The following PRKG2 variants were observed in gnomAD, a reference collection of about 807,000 sequenced individuals.
The protein encoded by PRKG2 is protein kinase cGMP-dependent 2.
A neutral mutation model predicts 97.2 loss-of-function variants in PRKG2; 33 were observed. The ratio of observed to expected loss-of-function variants is 0.34; its 90% confidence interval spans 0.26 to 0.45. The LOEUF is 0.45. PRKG2 is among the 20% of genes least tolerant of loss of function. PRKG2 has a pLI of 1.00. For missense variants in PRKG2, 638 were observed against 900.0 expected (o/e 0.71, Z 3.73); for synonymous variants, 330 against 321.8 (o/e 1.03, Z -0.27).
intron 2 of PRKG2, among the ~76,000 whole-genome samples, chr4:81,199,492 T>C (rs1753164880): frequency 6.6e-6 from 1 of 152,184 alleles, no homozygotes; most frequent in African/African-American, 2.4e-5. Context: ...GAATTCTGTT[T>C]CCTATATTAC....
At chr4:81,132,504 T>C (rs958819827) in intron 14 of PRKG2, among the ~76,000 whole-genome samples, 1 of 152,170 alleles carries the variant, frequency 6.6e-6, no homozygotes, top group African/African-American at 2.4e-5. Flanking sequence ...TGAGGTACAA[T>C]TTTAACTAGA....
chr4:81,166,311 GT>G (rs1749980728), intron 6 of PRKG2, among the ~76,000 whole-genome samples: 3 of 151,562 alleles, frequency 2.0e-5, no homozygotes, highest in Admixed American at 1.3e-4. Context: ...GGTTTTGGGG[GT>G]TTTTTTTCCT....
At chr4:81,147,073 A>G (rs1255157241) in intron 9 of PRKG2, among the ~76,000 whole-genome samples, 1 of 152,190 alleles carries the variant, frequency 6.6e-6, no homozygotes, top group African/African-American at 2.4e-5. Context: ...AATACTTTGT[A>G]TATTGCAGAC....
At chr4:81,148,316 G>A (rs1173199306) in intron 9 of PRKG2, among the ~76,000 whole-genome samples, 1 of 151,984 alleles carries the variant, frequency 6.6e-6, no homozygotes, top group Non-Finnish European at 1.5e-5. Flanking sequence ...AGAAACCCAG[G>A]GGGGCAGATT....
intron 17 of PRKG2, among the ~76,000 whole-genome samples, chr4:81,095,959 T>G (rs922762010): frequency 6.6e-6 from 1 of 152,126 alleles, no homozygotes; most frequent in African/African-American, 2.4e-5. Context: ...TGTCTAAAAA[T>G]GTACATAATT....
At chr4:81,104,512 CTT>C (rs1446923014) in intron 16 of PRKG2, 80 bp from the exon 17 acceptor site, 7 of 654,496 alleles carry the variant, frequency 1.1e-5, no homozygotes, top group African/African-American at 3.9e-5. Flanking sequence ...TAAATTAAAA[CTT>C]AACATCTATT....
At chr4:81,106,687 G>A (rs570957165) in intron 15 of PRKG2, among the ~76,000 whole-genome samples, 91 of 152,332 alleles carry the variant, frequency 6.0e-4, no homozygotes, top group African/African-American at 2.0e-3. Flanking sequence ...TAGGCTGAAT[G>A]TCTGTGTTCC....
intron 15 of PRKG2, among the ~76,000 whole-genome samples, chr4:81,109,723 A>G (rs1743711846): frequency 6.6e-6 from 1 of 152,216 alleles, no homozygotes; most frequent in South Asian, 2.1e-4. Flanking sequence ...CATAATACAC[A>G]TGTAAGTGCT....
intron 1 of PRKG2, among the ~76,000 whole-genome samples, chr4:81,206,365 G>C (rs919900675): frequency 2.0e-5 from 3 of 152,148 alleles, no homozygotes; most frequent in African/African-American, 7.2e-5. Flanking sequence ...CATGGGGGCG[G>C]ATCTTTCCCA....
chr4:81,154,148 A>C (rs2110062084), intron 6 of PRKG2: 1 of 161,608 alleles, frequency 6.2e-6, no homozygotes, highest in East Asian at 1.9e-4. Context: ...GATTGCTAGC[A>C]CAGCAGTCTG....
intron 8 of PRKG2, among the ~76,000 whole-genome samples, chr4:81,150,167 G>A (rs1338586303): frequency 6.6e-6 from 1 of 152,156 alleles, no homozygotes; most frequent in Non-Finnish European, 1.5e-5. Context: ...ACACAGACAT[G>A]ATCTTGATTG....
intron 18 of PRKG2, 86 bp from the exon 19 acceptor site, chr4:81,089,889 C>T (rs1409387921): frequency 2.7e-5 from 30 of 1,105,048 alleles, no homozygotes; most frequent in Non-Finnish European, 3.7e-5. Flanking sequence ...TATTTCAGAA[C>T]ACTGATTTCA....
chr4:81,149,672 C>T (rs1748194403), intron 8 of PRKG2, among the ~76,000 whole-genome samples: 1 of 152,040 alleles, frequency 6.6e-6, no homozygotes, highest in African/African-American at 2.4e-5. Flanking sequence ...CAGACCTTTA[C>T]TTATATTAGC....
intron 2 of PRKG2, among the ~76,000 whole-genome samples, chr4:81,190,263 A>T (rs1752368749): frequency 6.6e-6 from 1 of 152,208 alleles, no homozygotes; most frequent in South Asian, 2.1e-4. Context: ...GAGGCCTCAG[A>T]AATAGTGCCA....
At chr4:81,095,684 AAAATATTCACCAGAG>A (rs1158696003) in intron 17 of PRKG2, among the ~76,000 whole-genome samples, 27 of 152,332 alleles carry the variant, frequency 1.8e-4, no homozygotes, top group African/African-American at 6.3e-4. Context: ...TGGTGTGTAA[AAAATATTCACCAGAG>A]AAATATTAGC....
Position 81,092,418 on chromosome 4 carries a change from C to T in PRKG2, c.2161G>A (p.Ala721Thr). Reference protein sequence around the residue: ...LNGFNWEGLKARSLPSPLQRE... With the variant: ...LNGFNWEGLKTRSLPSPLQRE... ...TGCAAAGGTGATGGAAGGCTCCGTGCTTTCAGTCCCTCCCAATTAAAACCA... is the reference window on the plus strand; with the variant it reads ...TGCAAAGGTGATGGAAGGCTCCGTGTTTTCAGTCCCTCCCAATTAAAACCA... Residue 721 changes from alanine to threonine, a missense_variant, in exon 18 of 19, where the codon GCA becomes ACA. Transcript: ENST00000264399. The T allele has an allele frequency of 6.3e-7, 1 of 1,594,254 alleles. No individual in the cohort carries two copies. The highest frequency in any genetic ancestry group is 8.6e-7 in the Non-Finnish European group (1 of 1,166,226).
Position 81,167,043 on chromosome 4 carries a change from G to A in PRKG2, c.912+118C>T, listed in dbSNP as rs576123851. 6.9e-5 allele frequency: 48 copies of A among 692,164 alleles called. No homozygotes were observed. The South Asian group carries it at 1.2e-3, about 17-fold the overall frequency. The allele number at this position is 692,164 out of a possible 1,614,324, so 42.9% of individuals were successfully genotyped here. On this transcript the variant is annotated intron_variant, in intron 6 of 18. Coordinates refer to ENST00000264399, the MANE Select transcript of PRKG2 (RefSeq NM_006259.3). ...TTAAGATTTTTCACCATAGAAAAAG[G>A]CTCTTGGTCTCTGTAGACTGGTGCT...
intron 13 of PRKG2, among the ~76,000 whole-genome samples, chr4:81,136,984 C>T (rs926630602): frequency 6.6e-6 from 1 of 152,106 alleles, no homozygotes; most frequent in South Asian, 2.1e-4. Context: ...AAATCACCCC[C>T]TTGTGTAAAA....
At chr4:81,110,320 A>G in intron 15 of PRKG2, 128 bp downstream of exon 15, 11 of 959,766 alleles carry the variant, frequency 1.1e-5, no homozygotes, top group African/African-American at 1.7e-5. Context: ...TCATGAGAAA[A>G]AGGTATCATA....
Sources: gnomAD v4.1 joint callset for allele counts (sites outside exome capture counted in the v4.1 genomes callset) on GRCh38, gnomAD v4.1.1 for gene constraint, MANE v1.5 for transcripts, NCBI Gene and HGNC (gene_info 2026-07-23, HGNC 2026-07-21) for gene names.